Variants in PLEKHA6 observed in about 807,000 individuals in gnomAD.
PLEKHA6 encodes the protein pleckstrin homology domain-containing family A member 6.
PLEKHA6 carries 60 observed loss-of-function variants against 116.7 expected under a neutral mutation model. The ratio of observed to expected loss-of-function variants is 0.51; its 90% CI spans 0.42 to 0.64. The LOEUF (loss-of-function observed/expected upper bound fraction) is 0.64, where lower values mean the gene tolerates loss of function less well. Ranked by LOEUF, PLEKHA6 falls within the 30% of genes least tolerant of loss-of-function variation. The pLI, the probability that PLEKHA6 is intolerant of heterozygous loss-of-function variation, is 0.00. For missense variants in PLEKHA6, 1,338 were observed against 1,422.7 expected (o/e 0.94, Z 0.96); for synonymous variants, 489 against 556.1 (o/e 0.88, Z 1.70).
chr1:204,241,043 C>T (rs1028181731), intron 17 of PLEKHA6, among the ~76,000 whole-genome samples: 3 of 152,168 alleles, frequency 2.0e-5, no homozygotes, highest in Non-Finnish European at 4.4e-5. Flanking sequence ...GCTCTTCTTG[C>T]TCCTCAGCTT....
rs796666400 is a variant in PLEKHA6 at position 204,373,346 on chromosome 1, G to C, written c.84-1740C>G. On this transcript the variant is annotated intron_variant, in intron 1 of 4. Coordinates refer to the PLEKHA6 transcript ENST00000564627. ...ACCTCAAGTGCCTCAGCCTCCCAAAGTGCTGGGATTACAGGCGTGAGCCAC... is the reference window on the plus strand; with the variant it reads ...ACCTCAAGTGCCTCAGCCTCCCAAACTGCTGGGATTACAGGCGTGAGCCAC... Among the ~76,000 whole-genome samples the C allele has an allele frequency of 1.4e-4, 22 of 152,098 alleles. 3 individuals carry two copies. The highest frequency in any genetic ancestry group is 5.3e-4 in the African/African-American group (22 of 41,486).
intron 2 of PLEKHA6, among the ~76,000 whole-genome samples, 172 bp from the exon 3 acceptor site, chr1:204,273,912 A>G (rs1667740593): frequency 6.6e-6 from 1 of 152,148 alleles, no homozygotes; most frequent in African/African-American, 2.4e-5. Flanking sequence ...TTCTGAAATT[A>G]TATGTCAGGG....
chr1:204,289,074 G>A (rs997835661), intron 1 of PLEKHA6, among the ~76,000 whole-genome samples: 3 of 152,280 alleles, frequency 2.0e-5, no homozygotes, highest in African/African-American at 4.8e-5. Flanking sequence ...GTGTGCAAAT[G>A]AGCAGCGCCG....
At chr1:204,294,633 G>A (rs1425165737) in intron 1 of PLEKHA6, among the ~76,000 whole-genome samples, 1 of 152,194 alleles carries the variant, frequency 6.6e-6, no homozygotes, top group Non-Finnish European at 1.5e-5. Context: ...ATCCGCATTA[G>A]CCTTGAGATT....
intron 1 of PLEKHA6, among the ~76,000 whole-genome samples, chr1:204,301,002 T>G (rs976847012): frequency 1.3e-5 from 2 of 152,202 alleles, no homozygotes; most frequent in Non-Finnish European, 2.9e-5. Flanking sequence ...GGCAAGAGAC[T>G]CTTTACAGCC....
intron 1 of PLEKHA6, among the ~76,000 whole-genome samples, chr1:204,308,667 A>C (rs1257072492): frequency 7.8e-6 from 1 of 128,200 alleles, no homozygotes; most frequent in Non-Finnish European, 1.6e-5. Context: ...TGACTCAAGA[A>C]GGTAATTCTT....
At position 204,309,111 on chromosome 1, in the gene PLEKHA6, C is replaced by CA. The variant is rs537984451; in HGVS notation, c.-94-34303dup. 8.4e-4 allele frequency: 767 copies of CA among 915,882 alleles called. 4 individuals are homozygous for CA. The Middle Eastern group carries it at 0.016, about 19-fold the overall frequency. The allele number at this position is 915,882 out of a possible 1,614,324, so 56.7% of individuals were successfully genotyped here. ...TCCATAGTTTACTTTGTACAGTGCT[C>CA]AGCATGTAGTGCTTCATTTCTGTTA... is the stretch of plus-strand genomic sequence containing the variant. On this transcript the variant is annotated intron_variant, in intron 1 of 22. Transcript: ENST00000272203.
chr1:204,368,133 T>A (rs3014628), intron 2 of PLEKHA6, among the ~76,000 whole-genome samples: 5 of 152,138 alleles, frequency 3.3e-5, no homozygotes, highest in African/African-American at 1.2e-4. Flanking sequence ...CCTGGCAGGA[T>A]GCACTTATTC....
In PLEKHA6 at chr1:204,259,282, A is replaced by G; in HGVS notation, c.983T>C (p.Val328Ala). 1 of 1,613,816 alleles carries G rather than the reference A, an allele frequency of 6.2e-7. No individual in the cohort carries two copies. The highest frequency in any genetic ancestry group is 1.1e-5 in the South Asian group (1 of 91,080). Reference sequence around the variant, plus strand: ...CCTCCGAAGGTCTTCAGGCGGGGGTACCCCCCGGCGCAGATTCACCCACTG... The same window carrying G: ...CCTCCGAAGGTCTTCAGGCGGGGGTGCCCCCCGGCGCAGATTCACCCACTG... ...LQQWVNLRRG[V>A]PPPEDLRSPS... The change falls in exon 8 of 23, where the codon GTA (valine) becomes GCA (alanine). Residue 328 changes from valine (V) to alanine (A), a missense_variant. Physicochemically the swap from Val to Ala is moderately conservative, Grantham distance 64 (BLOSUM62 0). Transcript: ENST00000272203. This position sits in a 1 kb window ranked among gnomAD's most constrained non-coding sequence, Gnocchi z 4.6.
Position 204,259,842 on chromosome 1 carries a change from G to A in PLEKHA6, c.525-102C>T, listed in dbSNP as rs1665884863. The A allele has an allele frequency of 7.7e-7, 1 of 1,291,220 alleles. No individual in the cohort carries two copies. Among genetic ancestry groups the A allele is most frequent in the Non-Finnish European group, 1.1e-6 (1 of 951,264 alleles). 80.0% of individuals were successfully genotyped at this position (1,291,220 alleles called of 1,614,324 possible). ...GAAGAGGAGTGGGGAAGGATGGGCA[G>A]GGAGGTGGCTGGAACCAGGATTCTA... On this transcript the variant is annotated intron_variant, in intron 7 of 22. Coordinates refer to ENST00000272203, the MANE Select transcript of PLEKHA6 (RefSeq NM_014935.5). This position sits in a 1 kb window ranked among gnomAD's most constrained non-coding sequence, Gnocchi z 4.6.
At chr1:204,343,998 C>T (rs1290688499) in intron 1 of PLEKHA6, among the ~76,000 whole-genome samples, 4 of 152,158 alleles carry the variant, frequency 2.6e-5, no homozygotes, top group African/African-American at 9.7e-5. Context: ...CAGACTAAAA[C>T]TTGGCCAGAA....
intron 5 of PLEKHA6, among the ~76,000 whole-genome samples, chr1:204,265,878 A>G (rs1195657630): frequency 1.3e-5 from 2 of 152,172 alleles, no homozygotes; most frequent in African/African-American, 4.8e-5. Flanking sequence ...CCGGATCTCC[A>G]AAGGAGCCTG....
At chr1:204,232,995 G>T (rs1323528447) in intron 17 of PLEKHA6, among the ~76,000 whole-genome samples, 1 of 151,902 alleles carries the variant, frequency 6.6e-6, no homozygotes, top group Non-Finnish European at 1.5e-5. Flanking sequence ...TAGAGATAGG[G>T]TCTCACTATG....
intron 1 of PLEKHA6, among the ~76,000 whole-genome samples, chr1:204,300,031 C>T (rs4264049): frequency 0.2 from 30,739 of 152,016 alleles, 3,589 homozygotes; most frequent in Non-Finnish European, 0.26. Flanking sequence ...AAATGGCAGC[C>T]GCCATCTGAC....
intron 3 of PLEKHA6, among the ~76,000 whole-genome samples, chr1:204,364,972 A>T (rs914388492): frequency 2.6e-5 from 4 of 152,226 alleles, no homozygotes; most frequent in Admixed American, 2.6e-4. Flanking sequence ...TCCCTGAAGA[A>T]GTGACATCAT....
intron 17 of PLEKHA6, 149 bp downstream of exon 17, chr1:204,241,226 A>G: frequency 1.7e-6 from 1 of 603,354 alleles, no homozygotes; most frequent in Non-Finnish European, 2.9e-6. Flanking sequence ...CTCCTCCTCC[A>G]GTGGGGCTCT....
chr1:204,229,858 C>T (rs1035609469), intron 18 of PLEKHA6, among the ~76,000 whole-genome samples: 3 of 152,224 alleles, frequency 2.0e-5, no homozygotes, highest in Admixed American at 2.0e-4. Context: ...TCTTGGGCTA[C>T]ATCCAGCTCT....
intron 1 of PLEKHA6, among the ~76,000 whole-genome samples, chr1:204,276,620 C>T (rs1252259072): frequency 1.3e-5 from 2 of 149,150 alleles, no homozygotes; most frequent in Non-Finnish European, 3.0e-5. Flanking sequence ...GGAATCTTCC[C>T]TGCAGGCACT....
intron 1 of PLEKHA6, among the ~76,000 whole-genome samples, chr1:204,301,952 T>C (rs1031515470): frequency 2.0e-5 from 3 of 152,212 alleles, no homozygotes; most frequent in Non-Finnish European, 1.5e-5. Flanking sequence ...ACCTTGGACC[T>C]GCTATCTTGA....
Sources: allele counts gnomAD v4.1 joint callset (sites outside exome capture counted in the v4.1 genomes callset), GRCh38; gene constraint gnomAD v4.1.1; non-coding constraint Gnocchi (gnomAD v3.1); transcripts MANE v1.5; gene names NCBI Gene and HGNC (gene_info 2026-07-23, HGNC 2026-07-21).